CSMD3: variants seen among roughly 807,000 people sequenced by gnomAD.
CSMD3 encodes CUB and sushi domain-containing protein 3.
CSMD3 carries 177 observed loss-of-function variants against 435.2 expected under a neutral mutation model. That is an observed-to-expected ratio of 0.41 (90% confidence interval 0.36 to 0.46). The LOEUF is 0.46. Ranked by LOEUF, CSMD3 falls within the 20% of genes least tolerant of loss-of-function variation. CSMD3 has a pLI of 0.34. For missense variants in CSMD3, 4,265 were observed against 4,504.6 expected (o/e 0.95, Z 1.52); for synonymous variants, 1,656 against 1,520.5 (o/e 1.09, Z -2.07).
At chr8:113,022,002 C>T (rs890286504) in intron 5 of CSMD3, among the ~76,000 whole-genome samples, 2 of 152,088 alleles carry the variant, frequency 1.3e-5, no homozygotes, top group African/African-American at 2.4e-5. Context: ...TGGTTATAGG[C>T]GAGTCACATG....
At chr8:112,249,443 C>T (rs1043728973) in intron 63 of CSMD3, among the ~76,000 whole-genome samples, 4 of 152,006 alleles carry the variant, frequency 2.6e-5, no homozygotes, top group Admixed American at 6.6e-5. Flanking sequence ...CCAACAAGTT[C>T]CCAGGTGAAA....
chr8:112,328,802 A>C (rs942387050), intron 45 of CSMD3, among the ~76,000 whole-genome samples: 1 of 152,146 alleles, frequency 6.6e-6, no homozygotes, highest in African/African-American at 2.4e-5. Context: ...TCCTGCCAAC[A>C]TTTAAAACGT....
At chr8:113,316,643 G>A (rs944916496) in intron 1 of CSMD3, among the ~76,000 whole-genome samples, 1 of 151,476 alleles carries the variant, frequency 6.6e-6, no homozygotes, top group African/African-American at 2.4e-5. Context: ...TCCCCCTCCT[G>A]GGTTCAAGTG....
intron 22 of CSMD3, among the ~76,000 whole-genome samples, chr8:112,623,518 C>T (rs890366696): frequency 7.2e-5 from 11 of 151,976 alleles, no homozygotes; most frequent in African/African-American, 2.2e-4. Flanking sequence ...ATATTTTATT[C>T]ATTTTTTTTA....
At chr8:113,069,865 T>A (rs2089028592) in intron 5 of CSMD3, among the ~76,000 whole-genome samples, 1 of 152,120 alleles carries the variant, frequency 6.6e-6, no homozygotes, top group Non-Finnish European at 1.5e-5. Context: ...AGCCATGTTC[T>A]GTAACTGCAC....
At chr8:112,695,540 G>A (rs2076232706) in intron 13 of CSMD3, among the ~76,000 whole-genome samples, 1 of 152,036 alleles carries the variant, frequency 6.6e-6, no homozygotes, top group African/African-American at 2.4e-5. Context: ...AGCCCTTCAT[G>A]CTAAAAACTC....
intron 10 of CSMD3, among the ~76,000 whole-genome samples, chr8:112,914,752 C>T (rs114513988): frequency 6.6e-6 from 1 of 151,598 alleles, no homozygotes; most frequent in African/African-American, 2.4e-5. Context: ...TTTCACTTTG[C>T]GTGGTACAAT....
chr8:112,883,439 A>G (rs1423392535), intron 10 of CSMD3, among the ~76,000 whole-genome samples: 1 of 152,004 alleles, frequency 6.6e-6, no homozygotes, highest in Non-Finnish European at 1.5e-5. Context: ...GCAGTGAACC[A>G]TTTCAGTGCT....
intron 1 of CSMD3, among the ~76,000 whole-genome samples, chr8:113,430,046 C>T (rs370686415): frequency 4.6e-4 from 70 of 152,050 alleles, no homozygotes; most frequent in East Asian, 2.9e-3. Flanking sequence ...TTCTTTTTAG[C>T]TGTGAGTCTG....
At position 112,972,642 on chromosome 8, in the gene CSMD3, A is replaced by T. The variant is rs528010808; in HGVS notation, c.1342+3195T>A. 1.1e-4 allele frequency among the ~76,000 whole-genome samples: 17 copies of T among 152,114 alleles called. No individual in the cohort carries two copies. The South Asian group carries it at 3.5e-3, about 32-fold the overall frequency. ...TAATACTGAAATATGTAGAGATTTC[A>T]TTATCTTGAAGAAGGTAATTTCAAG... is the stretch of plus-strand genomic sequence containing the variant. On this transcript the variant is annotated intron_variant, in intron 7 of 70. Coordinates refer to ENST00000297405, the MANE Select transcript of CSMD3 (RefSeq NM_198123.2).
intron 11 of CSMD3, among the ~76,000 whole-genome samples, chr8:112,833,330 TA>T (rs2079930249): frequency 6.6e-6 from 1 of 152,006 alleles, no homozygotes; most frequent in African/African-American, 2.4e-5. Flanking sequence ...TATATTTTAA[TA>T]ATTTTTTTAG....
intron 24 of CSMD3, among the ~76,000 whole-genome samples, chr8:112,563,330 A>C (rs759032017): frequency 1.3e-4 from 20 of 151,878 alleles, no homozygotes; most frequent in African/African-American, 1.9e-4. Context: ...GGAAATTAAG[A>C]ATTTAAGCAA....
intron 45 of CSMD3, among the ~76,000 whole-genome samples, chr8:112,326,896 C>T (rs1203893464): frequency 1.3e-5 from 2 of 152,096 alleles, no homozygotes; most frequent in East Asian, 3.9e-4. Context: ...GCGGTGCATG[C>T]CTGTAATCCC....
chr8:112,445,813 C>T (rs756183603), intron 32 of CSMD3, among the ~76,000 whole-genome samples: 19 of 152,056 alleles, frequency 1.2e-4, no homozygotes, highest in Non-Finnish European at 5.9e-5. Flanking sequence ...GAAATCAAGT[C>T]CCAAGCCAAG....
chr8:113,002,936 C>G (rs1279922925), intron 6 of CSMD3, among the ~76,000 whole-genome samples: 2 of 151,940 alleles, frequency 1.3e-5, no homozygotes, highest in Non-Finnish European at 2.9e-5. Context: ...TATTTTTAGT[C>G]ATGATATAAT....
intron 12 of CSMD3, among the ~76,000 whole-genome samples, chr8:112,801,444 A>C (rs2078960443): frequency 6.6e-6 from 1 of 152,042 alleles, no homozygotes; most frequent in Non-Finnish European, 1.5e-5. Flanking sequence ...AACTTGGTAA[A>C]CTACTATTAT....
intron 12 of CSMD3, among the ~76,000 whole-genome samples, chr8:112,825,063 A>G (rs906312915): frequency 1.3e-5 from 2 of 152,170 alleles, no homozygotes; most frequent in African/African-American, 2.4e-5. Context: ...ACAGTCTTCA[A>G]AATCTGATAT....
chr8:112,939,427 T>C (rs1407339425), intron 9 of CSMD3, among the ~76,000 whole-genome samples: 1 of 152,100 alleles, frequency 6.6e-6, no homozygotes, highest in East Asian at 1.9e-4. Flanking sequence ...TGAGATAATC[T>C]AGTCCTTCAC....
intron 63 of CSMD3, among the ~76,000 whole-genome samples, chr8:112,249,968 A>T (rs1815122506): frequency 6.6e-6 from 1 of 152,048 alleles, no homozygotes; most frequent in Non-Finnish European, 1.5e-5. Flanking sequence ...ATGTGATTTG[A>T]AAATGTTGGA....
Sources: allele counts gnomAD v4.1 joint callset (sites outside exome capture counted in the v4.1 genomes callset), GRCh38; gene constraint gnomAD v4.1.1; transcripts MANE v1.5; gene names NCBI Gene and HGNC (gene_info 2026-07-23, HGNC 2026-07-21).